TNKS: variants seen among roughly 807,000 people sequenced by gnomAD.
TNKS encodes tankyrase.
Under a neutral mutation model 135.8 loss-of-function variants are expected in TNKS, and 72 were observed. The ratio of observed to expected loss-of-function variants is 0.53; its 90% CI spans 0.44 to 0.64. The LOEUF (loss-of-function observed/expected upper bound fraction) is 0.64, where lower values mean the gene tolerates loss of function less well. TNKS is among the 30% of genes least tolerant of loss of function. The pLI is 0.00. For missense variants in TNKS, 1,769 were observed against 1,674.0 expected (o/e 1.06, Z -0.99); for synonymous variants, 849 against 649.3 (o/e 1.31, Z -4.68).
chr8:9,706,088 ATAAT>A, intron 6 of TNKS, 95 bp from the exon 7 acceptor site: 1 of 691,214 alleles, frequency 1.4e-6, no homozygotes, highest in South Asian at 2.9e-5. Context: ...ATATTTTAAA[ATAAT>A]TGTATTGGGA....
intron 15 of TNKS, 88 bp from the exon 16 acceptor site, chr8:9,734,777 C>A: frequency 2.6e-6 from 3 of 1,151,382 alleles, no homozygotes; most frequent in Admixed American, 2.4e-5. Flanking sequence ...CCCAGAGGAA[C>A]AAAGGTAGAG....
chr8:9,598,261 A>G (rs976036794), intron 2 of TNKS, among the ~76,000 whole-genome samples: 2 of 151,852 alleles, frequency 1.3e-5, no homozygotes, highest in African/African-American at 4.8e-5. Flanking sequence ...GTTAGCCAGG[A>G]TGGTCTTGAT....
intron 19 of TNKS, 119 bp downstream of exon 19, chr8:9,751,965 A>T (rs865923161): frequency 2.4e-6 from 2 of 849,216 alleles, no homozygotes; most frequent in South Asian, 3.3e-5. Flanking sequence ...GTAAATTTTC[A>T]TACACACAAC....
chr8:9,733,863 T>C (rs565940863), intron 15 of TNKS, among the ~76,000 whole-genome samples: 14 of 152,294 alleles, frequency 9.2e-5, no homozygotes, highest in South Asian at 6.2e-4. Context: ...TAAGAACTTA[T>C]TGTAGTATCA....
At chr8:9,584,336 A>G (rs1045776611) in intron 2 of TNKS, among the ~76,000 whole-genome samples, 2 of 151,970 alleles carry the variant, frequency 1.3e-5, no homozygotes, top group African/African-American at 4.8e-5. Context: ...CCTTCCTTCT[A>G]CTTCTTTGCA....
chr8:9,620,369 C>T (rs1282322126), intron 3 of TNKS, among the ~76,000 whole-genome samples: 1 of 152,106 alleles, frequency 6.6e-6, no homozygotes, highest in East Asian at 1.9e-4. Context: ...TGGGCCACAC[C>T]TTCATCCTCT....
chr8:9,731,620 T>C (rs1805446192), intron 14 of TNKS, among the ~76,000 whole-genome samples: 1 of 152,042 alleles, frequency 6.6e-6, no homozygotes, highest in African/African-American at 2.4e-5. Flanking sequence ...GTGGCGATGG[T>C]GGTGGTGGTG....
intron 21 of TNKS, 97 bp downstream of exon 21, chr8:9,761,733 C>G: frequency 7.8e-7 from 1 of 1,277,046 alleles, no homozygotes; most frequent in Non-Finnish European, 1.1e-6. Context: ...GTCCCAGAAC[C>G]ATACACTGAA....
chr8:9,704,624 T>C (rs1325496187), intron 5 of TNKS, 39 bp from the exon 6 acceptor site: 1 of 1,534,150 alleles, frequency 6.5e-7, no homozygotes, highest in African/African-American at 1.4e-5. Context: ...TCTTTGTTTG[T>C]TTGTTTTTAC....
intron 2 of TNKS, among the ~76,000 whole-genome samples, chr8:9,584,648 T>C (rs1397143832): frequency 2.6e-5 from 4 of 152,170 alleles, no homozygotes; most frequent in African/African-American, 9.7e-5. Context: ...CTTGAGAAGG[T>C]TGCTAAATGG....
Position 9,730,885 on chromosome 8 carries a change from G to A in TNKS, c.2002-5G>A, listed in dbSNP as rs1048600475. 8.7e-6 allele frequency: 14 copies of A among 1,610,752 alleles called. No homozygotes were observed. Among genetic ancestry groups the A allele is most frequent in the Non-Finnish European group, 1.2e-5 (14 of 1,178,340 alleles). On this transcript the variant is annotated splice_polypyrimidine_tract_variant and splice_region_variant and intron_variant, in intron 13 of 26. Transcript: ENST00000310430. ...GTGTTTGTCTTTGTGTGTGCACCAC[G>A]AAAGCAACTTTGCAGCTCTCAAAAT...
At chr8:9,676,958 T>A (rs907832853) in intron 3 of TNKS, among the ~76,000 whole-genome samples, 1 of 152,220 alleles carries the variant, frequency 6.6e-6, no homozygotes, top group Non-Finnish European at 1.5e-5. Context: ...TTAAAGAATA[T>A]AAATGCTCCA....
At chr8:9,685,935 C>T (rs1802977384) in intron 5 of TNKS, among the ~76,000 whole-genome samples, 2 of 152,080 alleles carry the variant, frequency 1.3e-5, no homozygotes, top group Admixed American at 1.3e-4. Flanking sequence ...TTGATCAGTA[C>T]CCCCGTCTCT....
At chr8:9,559,756 A>G (rs1797252708) in intron 1 of TNKS, among the ~76,000 whole-genome samples, 1 of 152,174 alleles carries the variant, frequency 6.6e-6, no homozygotes, top group Non-Finnish European at 1.5e-5. Context: ...CCATATTTAA[A>G]TCCTTATCAC....
rs59517107 is a variant in TNKS at position 9,580,154 on chromosome 8, T to C, written c.674-5T>C. 1.5e-3 allele frequency: 2,467 copies of C among 1,613,676 alleles called. 46 individuals are homozygous for C. The African/African-American group carries it at 0.027, about 18-fold the overall frequency. Reference sequence around the variant, plus strand: ...TATACAAGACATTTTTTCGTTTCTTTTTAGGTTTTGGAAGGAAGGATGTTG... The same window carrying C: ...TATACAAGACATTTTTTCGTTTCTTCTTAGGTTTTGGAAGGAAGGATGTTG... On this transcript the variant is annotated splice_region_variant and splice_polypyrimidine_tract_variant and intron_variant, in intron 1 of 26. Transcript: ENST00000310430.
intron 20 of TNKS, among the ~76,000 whole-genome samples, chr8:9,755,841 C>T (rs992902383): frequency 6.6e-6 from 1 of 152,096 alleles, no homozygotes. Context: ...CAGAAGAAAA[C>T]CTTCGGCACA....
At position 9,764,724 on chromosome 8, in the gene TNKS, T is replaced by G. The variant is rs779586949; in HGVS notation, c.3381T>G (p.Ser1127Arg). Residue 1127 changes from serine (S) to arginine (R), a missense_variant, in exon 23 of 27, where the codon AGT becomes AGG. By Grantham distance (110) the Ser-to-Arg change is moderately radical. Transcript: ENST00000310430. ...GTTATTTTGTTCTGTAGATGCAAAG[T>G]ACTATTCGAGAACACAGAGATGGTG... is the stretch of plus-strand genomic sequence containing the variant. ...EYQSVEEEMQ[S>R]TIREHRDGGN... is the part of the protein sequence containing the mutation. The G allele has an allele frequency of 6.9e-6, 11 of 1,598,020 alleles. No homozygotes were observed. The highest frequency in any genetic ancestry group is 3.5e-5 in the Admixed American group (2 of 56,456).
chr8:9,730,825 G>T, intron 13 of TNKS, 65 bp from the exon 14 acceptor site: 1 of 1,548,606 alleles, frequency 6.5e-7, no homozygotes, highest in Non-Finnish European at 8.8e-7. Context: ...ACTATTTTGG[G>T]GCAAAACCTG....
chr8:9,622,999 A>G (rs1182098127), intron 3 of TNKS, among the ~76,000 whole-genome samples: 1 of 152,224 alleles, frequency 6.6e-6, no homozygotes, highest in Admixed American at 6.5e-5. Context: ...AACCATACCA[A>G]TAATAAAATA....
Sources: gnomAD v4.1 joint callset for allele counts (sites outside exome capture counted in the v4.1 genomes callset) on GRCh38, gnomAD v4.1.1 for gene constraint, MANE v1.5 for transcripts, NCBI Gene and HGNC (gene_info 2026-07-23, HGNC 2026-07-21) for gene names.